CNTN4: variants seen among roughly 807,000 people sequenced by gnomAD.
CNTN4 encodes contactin-4.
In CNTN4, 77 loss-of-function variants were observed where a neutral mutation model predicts 122.5. The ratio of observed to expected loss-of-function variants is 0.63; its 90% CI spans 0.52 to 0.76. CNTN4 has a LOEUF of 0.76. Among genes scored for constraint, CNTN4 ranks in the 30% least tolerant of loss-of-function variants. The probability of loss-of-function intolerance (pLI) is 0.00; values close to 1 mark genes in which losing one functional copy is unlikely to be tolerated. For synonymous variants in CNTN4, 512 were observed against 447.0 expected (o/e 1.15, Z -1.83); for missense variants, 1,256 against 1,259.1 (o/e 1.00, Z 0.04).
At chr3:2,897,828 AGAT>A (rs2094131597) in intron 10 of CNTN4, among the ~76,000 whole-genome samples, 1 of 152,192 alleles carries the variant, frequency 6.6e-6, no homozygotes, top group Non-Finnish European at 1.5e-5. Flanking sequence ...TTCAGATTTT[AGAT>A]CTTCAGATTA....
At chr3:2,485,251 G>A (rs1227997602) in intron 3 of CNTN4, among the ~76,000 whole-genome samples, 5 of 152,194 alleles carry the variant, frequency 3.3e-5, no homozygotes, top group Non-Finnish European at 4.4e-5. Flanking sequence ...CCCCTGCTCC[G>A]CGGTGCCCGG....
intron 4 of CNTN4, among the ~76,000 whole-genome samples, chr3:2,673,897 G>A (rs987667928): frequency 1.3e-5 from 2 of 152,034 alleles, no homozygotes; most frequent in Non-Finnish European, 2.9e-5. Flanking sequence ...TTGGAATGTT[G>A]CTTTGAGACC....
At chr3:2,427,479 T>G (rs564184988) in intron 3 of CNTN4, among the ~76,000 whole-genome samples, 15 of 152,256 alleles carry the variant, frequency 9.9e-5, no homozygotes, top group African/African-American at 3.4e-4. Context: ...GCTGAGGAGT[T>G]CTTTACTTCC....
intron 4 of CNTN4, among the ~76,000 whole-genome samples, chr3:2,693,858 C>T (rs1179697185): frequency 6.6e-6 from 1 of 152,132 alleles, no homozygotes; most frequent in Non-Finnish European, 1.5e-5. Flanking sequence ...CACTGCCTTC[C>T]ACCTTCCGAG....
chr3:2,762,196 G>A (rs1342287080), intron 6 of CNTN4, among the ~76,000 whole-genome samples: 1 of 152,162 alleles, frequency 6.6e-6, no homozygotes, highest in Non-Finnish European at 1.5e-5. Context: ...CCTAAAAGTA[G>A]TGTTTGTATA....
chr3:2,918,630 G>C (rs1305677415), intron 12 of CNTN4, among the ~76,000 whole-genome samples: 1 of 152,214 alleles, frequency 6.6e-6, no homozygotes, highest in Non-Finnish European at 1.5e-5. Flanking sequence ...AAATTGGCAA[G>C]GACTACAAAC....
chr3:2,967,127 G>T (rs887611266), intron 13 of CNTN4, among the ~76,000 whole-genome samples: 2 of 152,114 alleles, frequency 1.3e-5, no homozygotes, highest in African/African-American at 4.8e-5. Context: ...ATAATTTGGT[G>T]GGTTGGTGGG....
intron 4 of CNTN4, among the ~76,000 whole-genome samples, chr3:2,713,687 A>G (rs1381410912): frequency 6.6e-6 from 1 of 152,214 alleles, no homozygotes; most frequent in Non-Finnish European, 1.5e-5. Flanking sequence ...ACAATATGCC[A>G]TATTTTGGGG....
rs987280347 is a variant in CNTN4 at position 2,819,509 on chromosome 3, A to G, written c.382A>G (p.Thr128Ala). 37 of 1,614,010 alleles carry G rather than the reference A, an allele frequency of 2.3e-5. No individual in the cohort carries two copies. The highest frequency in any genetic ancestry group is 3.3e-4 in the Middle Eastern group (2 of 6,084). The change falls in exon 7 of 25, where the codon ACA (threonine) becomes GCA (alanine). Residue 128 changes from threonine to alanine, a missense_variant. Transcript: ENST00000418658. ...AGATCTTGACAACTTTAAAACAAGA[A>G]CAAGAAGCACTGTGTCTGTCCGTCG... ...FAYLDNFKTR[T>A]RSTVSVRRGQ...
At chr3:2,987,554 C>T (rs1428301542) in intron 13 of CNTN4, among the ~76,000 whole-genome samples, 1 of 152,156 alleles carries the variant, frequency 6.6e-6, no homozygotes, top group Non-Finnish European at 1.5e-5. Flanking sequence ...CTTGAGTGAG[C>T]TATCTGTGTA....
chr3:2,247,332 A>C (rs186416445), intron 2 of CNTN4, among the ~76,000 whole-genome samples: 20 of 152,178 alleles, frequency 1.3e-4, no homozygotes, highest in African/African-American at 4.8e-4. Context: ...TTTCTGTATT[A>C]GAGCAGATCT....
At chr3:2,602,816 C>G (rs1280420297) in intron 4 of CNTN4, among the ~76,000 whole-genome samples, 3 of 152,170 alleles carry the variant, frequency 2.0e-5, no homozygotes, top group Non-Finnish European at 4.4e-5. Context: ...TACAGGTTGT[C>G]TTCCTTAGCA....
intron 2 of CNTN4, among the ~76,000 whole-genome samples, chr3:2,207,097 T>A (rs2038391686): frequency 6.6e-6 from 1 of 152,076 alleles, no homozygotes; most frequent in Non-Finnish European, 1.5e-5. Flanking sequence ...GGGGGTGTCA[T>A]GAACCAAACT....
chr3:2,116,415 C>T (rs1479884196), intron 2 of CNTN4, among the ~76,000 whole-genome samples: 1 of 152,048 alleles, frequency 6.6e-6, no homozygotes, highest in Non-Finnish European at 1.5e-5. Context: ...AAAATGTCAT[C>T]CTCAGAAACA....
chr3:2,778,087 G>T (rs544529490), intron 6 of CNTN4, among the ~76,000 whole-genome samples: 1 of 144,996 alleles, frequency 6.9e-6, no homozygotes, highest in Non-Finnish European at 1.5e-5. Context: ...GGTGGCGGGC[G>T]CCTGTAGTCC....
intron 4 of CNTN4, among the ~76,000 whole-genome samples, chr3:2,651,669 A>G (rs531725671): frequency 6.6e-6 from 1 of 151,818 alleles, no homozygotes; most frequent in South Asian, 2.1e-4. Context: ...TAGGCAACGT[A>G]GGGAGACCTC....
intron 13 of CNTN4, among the ~76,000 whole-genome samples, chr3:2,956,723 C>G (rs913049261): frequency 1.3e-5 from 2 of 152,026 alleles, no homozygotes; most frequent in African/African-American, 2.4e-5. Context: ...CCAGATTGTA[C>G]ATTAGACCCC....
intron 2 of CNTN4, among the ~76,000 whole-genome samples, chr3:2,192,687 C>T (rs989209335): frequency 1.3e-5 from 2 of 152,154 alleles, no homozygotes; most frequent in Admixed American, 1.3e-4. Context: ...CTTGTGAGAG[C>T]AGTTGGAGTT....
At position 2,464,887 on chromosome 3, in the gene CNTN4, G is replaced by A. The variant is rs1034578274; in HGVS notation, c.-88-106529G>A. ...TAGCTCATCTGGAAATGACTTTCCT[G>A]TGGAGGCTTTGATAACCTTATAGGC... On this transcript the variant is annotated intron_variant, in intron 3 of 24. Transcript: ENST00000418658. Among the ~76,000 whole-genome samples, 4 of 152,334 alleles carry A rather than the reference G, an allele frequency of 2.6e-5. No individual in the cohort carries two copies. In the East Asian group the frequency reaches 5.8e-4, roughly 22 times the overall value.
Sources: gnomAD v4.1 joint callset for allele counts (sites outside exome capture counted in the v4.1 genomes callset) on GRCh38, gnomAD v4.1.1 for gene constraint, MANE v1.5 for transcripts, NCBI Gene and HGNC (gene_info 2026-07-23, HGNC 2026-07-21) for gene names.